TOP1: variants seen among roughly 807,000 people sequenced by gnomAD.
TOP1 encodes DNA topoisomerase I.
Under a neutral mutation model 111.1 loss-of-function variants are expected in TOP1, and 10 were observed. The ratio of observed to expected loss-of-function variants is 0.09; its 90% confidence interval spans 0.06 to 0.15. The LOEUF (loss-of-function observed/expected upper bound fraction) is 0.15. Ranked by LOEUF, TOP1 falls within the 10% of genes least tolerant of loss-of-function variation. The pLI is 1.00. For missense variants in TOP1, 474 were observed against 926.7 expected (o/e 0.51, Z 6.34); for synonymous variants, 271 against 302.9 (o/e 0.89, Z 1.10).
Position 41,100,631 on chromosome 20 carries a change from T to C in TOP1, c.1163+388T>C, listed in dbSNP as rs527455599. The C allele has an allele frequency of 1.2e-5, 2 of 173,046 alleles. No homozygotes were observed. The highest frequency in any genetic ancestry group is 2.4e-5 in the Non-Finnish European group (2 of 81,652). 10.7% of individuals were successfully genotyped at this position (173,046 alleles called of 1,614,324 possible). ...CGACTTTCTTTTTCCTTCTTCACAA[T>C]TTCACAGATGGAAGGTTAATTCTTA... On this transcript the variant is annotated intron_variant, in intron 12 of 20. Coordinates refer to ENST00000361337, the MANE Select transcript of TOP1 (RefSeq NM_003286.4). This position sits in a 1 kb window ranked among gnomAD's most constrained non-coding sequence, Gnocchi z 4.4.
Position 41,100,007 on chromosome 20 carries a change from G to T in TOP1, c.976-49G>T. 1 of 1,381,190 alleles carries T rather than the reference G, an allele frequency of 7.2e-7. No homozygotes were observed. Among genetic ancestry groups the T allele is most frequent in the South Asian group, 1.3e-5 (1 of 77,164 alleles). The allele number at this position is 1,381,190 out of a possible 1,614,324, so 85.6% of individuals were successfully genotyped here. A position where few individuals can be genotyped will look rare whatever the true frequency, so the allele number is the denominator to read the frequency against. ...CCACAAGAGATAAAATGCATTAGTAGAGAACAGCAATCTGAATCTATTTTG... is the reference window on the plus strand; with the variant it reads ...CCACAAGAGATAAAATGCATTAGTATAGAACAGCAATCTGAATCTATTTTG... On this transcript the variant is annotated intron_variant, in intron 11 of 20. Transcript: ENST00000361337. The surrounding 1 kb of genome is among the most constrained non-coding windows in gnomAD (Gnocchi z 4.4).
rs1021040031 is a variant in TOP1 at position 41,122,056 on chromosome 20, T to C, written c.2096T>C (p.Met699Thr). The C allele has an allele frequency of 1.2e-6, 2 of 1,614,006 alleles. No homozygotes were observed. Among genetic ancestry groups the C allele is most frequent in the Non-Finnish European group, 1.7e-6 (2 of 1,180,046 alleles). ...KAVQRLEEQL[M>T]KLEVQATDRE... Reference sequence around the variant, plus strand: ...GTTCAGAGACTGGAGGAACAGTTGATGAAGCTGGAAGTTCAAGCCACAGAC... The same window carrying C: ...GTTCAGAGACTGGAGGAACAGTTGACGAAGCTGGAAGTTCAAGCCACAGAC... Residue 699 changes from methionine (M) to threonine (T), a missense_variant, in exon 20 of 21, where the codon ATG becomes ACG. By Grantham distance (81) the Met-to-Thr change is moderately conservative. Around this residue, in one of 14 missense-constraint regions of TOP1, gnomAD observed 26 missense variants for 81.8 expected, o/e 0.32. Coordinates refer to ENST00000361337, the MANE Select transcript of TOP1 (RefSeq NM_003286.4). This position sits in a 1 kb window ranked among gnomAD's most constrained non-coding sequence, Gnocchi z 5.4.
chr20:41,091,712 A>G (rs1277303839), intron 8 of TOP1, among the ~76,000 whole-genome samples: 2 of 151,904 alleles, frequency 1.3e-5, no homozygotes, highest in Non-Finnish European at 2.9e-5. Flanking sequence ...GCGCGCCACC[A>G]TGCCCAGCTA....
chr20:41,060,709 G>GT (rs1161419974), intron 2 of TOP1, among the ~76,000 whole-genome samples: 1 of 152,076 alleles, frequency 6.6e-6, no homozygotes, highest in African/African-American at 2.4e-5. Context: ...AGATGTTCAA[G>GT]TTTTTTTGTA....
Position 41,080,411 on chromosome 20 carries a change from G to GGC in TOP1, c.431+232_431+233dup, listed in dbSNP as rs996903033. On this transcript the variant is annotated intron_variant, in intron 6 of 20. Coordinates refer to ENST00000361337, the MANE Select transcript of TOP1 (RefSeq NM_003286.4). This position sits in a 1 kb window ranked among gnomAD's most constrained non-coding sequence, Gnocchi z 5.0. ...TTATATAAATTTTTATTACTGAAAA[G>GGC]GCAATAGATATTTATTGTAGAAATT... Among the ~76,000 whole-genome samples, 7 of 152,000 alleles carry GGC rather than the reference G, an allele frequency of 4.6e-5. No homozygotes were observed. Among genetic ancestry groups the GGC allele is most frequent in the African/African-American group, 1.7e-4 (7 of 41,402 alleles).
At chr20:41,038,837 A>T (rs1347034113) in intron 2 of TOP1, among the ~76,000 whole-genome samples, 1 of 152,080 alleles carries the variant, frequency 6.6e-6, no homozygotes, top group Non-Finnish European at 1.5e-5. Context: ...AAAATACAAA[A>T]ATTAGCCAGG....
rs1329433002 is a variant in TOP1, at chr20:41,080,711, G to A, written c.432-454G>A. On this transcript the variant is annotated intron_variant, in intron 6 of 20. Coordinates refer to ENST00000361337, the MANE Select transcript of TOP1 (RefSeq NM_003286.4). The surrounding 1 kb of genome is among the most constrained non-coding windows in gnomAD (Gnocchi z 5.0). The stretch of plus-strand genomic sequence containing the variant: ...TGTTATAGTAGAAATTGGATGGAAA[G>A]GGAGAAGGGAAATACTTAGTGAACT... Among the ~76,000 whole-genome samples the A allele has an allele frequency of 6.6e-6, 1 of 152,128 alleles. No individual in the cohort carries two copies. The highest frequency in any genetic ancestry group is 1.5e-5 in the Non-Finnish European group (1 of 68,028).
rs759556321 is a variant in TOP1 at position 41,094,272 on chromosome 20, G to A, written c.730+1685G>A. ...CTAAGACAGTTCTTTCAGCCCTCAC[G>A]CTGGTCATTCCTGGAGACTCTTAAC... On this transcript the variant is annotated intron_variant, in intron 9 of 20. Transcript: ENST00000361337. This position sits in a 1 kb window ranked among gnomAD's most constrained non-coding sequence, Gnocchi z 4.4. Among the ~76,000 whole-genome samples, 1 of 152,100 alleles carries A rather than the reference G, an allele frequency of 6.6e-6. No homozygotes were observed. The highest frequency in any genetic ancestry group is 1.5e-5 in the Non-Finnish European group (1 of 68,020).
Position 41,061,736 on chromosome 20 carries a change from AC to A in TOP1, c.155+247del, listed in dbSNP as rs1285257653. Among the ~76,000 whole-genome samples the A allele has an allele frequency of 5.9e-5, 9 of 152,366 alleles. No homozygotes were observed. The Middle Eastern group carries it at 0.014, about 230-fold the overall frequency. ...TTTTAATATATACCTCATTAAAAAT[AC>A]AGTTGTTCACTAAGATAGGTAAGGA... On this transcript the variant is annotated intron_variant, in intron 3 of 20. Transcript: ENST00000361337. This position sits in a 1 kb window ranked among gnomAD's most constrained non-coding sequence, Gnocchi z 4.6.
chr20:41,073,472 A>G (rs1295002285), intron 3 of TOP1: 1 of 985,236 alleles, frequency 1.0e-6, no homozygotes, highest in African/African-American at 1.7e-5. Context: ...TATTCTAGAA[A>G]GTTTCTCCTC....
intron 2 of TOP1, among the ~76,000 whole-genome samples, chr20:41,035,515 AT>A (rs1025457071): frequency 2.0e-5 from 3 of 152,292 alleles, no homozygotes; most frequent in South Asian, 2.1e-4. Context: ...GATCTCCTGT[AT>A]TTGTTGTTGT....
intron 8 of TOP1, among the ~76,000 whole-genome samples, chr20:41,085,533 A>G (rs1298021440): frequency 6.6e-6 from 1 of 152,242 alleles, no homozygotes; most frequent in Non-Finnish European, 1.5e-5. Flanking sequence ...AACATGTTCT[A>G]TTTAACTACT....
chr20:41,061,360 C>G lies in TOP1; in HGVS notation c.59-34C>G. On this transcript the variant is annotated intron_variant, in intron 2 of 20. Transcript: ENST00000361337. This position sits in a 1 kb window ranked among gnomAD's most constrained non-coding sequence, Gnocchi z 4.6. ...TAGGCATACAGAAGATAGCTCATGA[C>G]TCCTGTTAACTGACTCATCTCTTAT... 1.2e-6 allele frequency: 2 copies of G among 1,602,044 alleles called. No individual in the cohort carries two copies. Among genetic ancestry groups the G allele is most frequent in the East Asian group, 2.2e-5 (1 of 44,808 alleles).
Position 41,088,157 on chromosome 20 carries a change from A to G in TOP1, c.614+3589A>G, listed in dbSNP as rs560139860. ...AGAAGTTGCTGTGGGTCTTCAGGATACACATGTTGAAATAGGAGTCGTAAA... is the reference window on the plus strand; with the variant it reads ...AGAAGTTGCTGTGGGTCTTCAGGATGCACATGTTGAAATAGGAGTCGTAAA... On this transcript the variant is annotated intron_variant, in intron 8 of 20. Coordinates refer to ENST00000361337, the MANE Select transcript of TOP1 (RefSeq NM_003286.4). Among the ~76,000 whole-genome samples the G allele has an allele frequency of 9.2e-5, 14 of 152,352 alleles. No homozygotes were observed. In the South Asian group the frequency reaches 2.7e-3, roughly 29 times the overall value.
intron 2 of TOP1, among the ~76,000 whole-genome samples, chr20:41,043,937 G>A (rs1479752100): frequency 2.0e-5 from 3 of 152,212 alleles, no homozygotes; most frequent in Non-Finnish European, 4.4e-5. Context: ...TTGTAGTGCA[G>A]GGATGTCCTT....
intron 8 of TOP1, among the ~76,000 whole-genome samples, chr20:41,089,753 T>C (rs953058753): frequency 3.9e-5 from 6 of 152,094 alleles, no homozygotes; most frequent in African/African-American, 7.2e-5. Context: ...TTTACGTTCC[T>C]ACCAGGACCA....
At chr20:41,099,540 C>A (rs1164288435) in intron 11 of TOP1, among the ~76,000 whole-genome samples, 1 of 152,084 alleles carries the variant, frequency 6.6e-6, no homozygotes, top group African/African-American at 2.4e-5. Flanking sequence ...AAAATCTCCC[C>A]CACCATCCCT....
At chr20:41,088,699 T>C (rs1386002793) in intron 8 of TOP1, among the ~76,000 whole-genome samples, 1 of 152,046 alleles carries the variant, frequency 6.6e-6, no homozygotes, top group East Asian at 1.9e-4. Context: ...GACTGTAGGA[T>C]TGGGTGGTTT....
chr20:41,119,811 C>T (rs1426647953), intron 18 of TOP1, among the ~76,000 whole-genome samples: 1 of 152,222 alleles, frequency 6.6e-6, no homozygotes. Flanking sequence ...ATAGACGGCC[C>T]ATCCTAGCAG....
Sources: gnomAD v4.1 joint callset for allele counts (sites outside exome capture counted in the v4.1 genomes callset) on GRCh38, gnomAD v4.1.1 for gene constraint, gnomAD v4.1.1 regional missense constraint, Gnocchi (gnomAD v3.1) non-coding constraint, MANE v1.5 for transcripts, NCBI Gene and HGNC (gene_info 2026-07-23, HGNC 2026-07-21) for gene names.